Variants in PCCA observed in about 807,000 individuals in gnomAD.
The protein encoded by PCCA is propionyl-CoA carboxylase alpha chain, mitochondrial.
PCCA carries 74 observed loss-of-function variants against 101.3 expected under a neutral mutation model. The ratio of observed to expected loss-of-function variants is 0.73; its 90% CI spans 0.61 to 0.89. The LOEUF is 0.89. PCCA is among the 40% of genes least tolerant of loss of function. PCCA has a pLI of 0.00. For missense variants in PCCA, 891 were observed against 907.0 expected (o/e 0.98, Z 0.23); for synonymous variants, 294 against 313.6 (o/e 0.94, Z 0.66).
chr13:100,332,227 C>T (rs951058678), intron 17 of PCCA, among the ~76,000 whole-genome samples: 1 of 152,244 alleles, frequency 6.6e-6, no homozygotes, highest in Non-Finnish European at 1.5e-5. Context: ...CGTGAGCTAC[C>T]GTACCTGGCC....
chr13:100,119,767 T>G (rs770146292), intron 4 of PCCA, among the ~76,000 whole-genome samples: 3 of 152,224 alleles, frequency 2.0e-5, no homozygotes, highest in Non-Finnish European at 4.4e-5. Context: ...TCTGTTTCCT[T>G]TCTCTGATCG....
At chr13:100,229,385 A>G (rs2060336883) in intron 7 of PCCA, among the ~76,000 whole-genome samples, 1 of 152,230 alleles carries the variant, frequency 6.6e-6, no homozygotes, top group Non-Finnish European at 1.5e-5. Flanking sequence ...CTTAGAAGCA[A>G]AATTTATTCT....
At chr13:100,500,614 G>A (rs2085597082) in intron 21 of PCCA, among the ~76,000 whole-genome samples, 1 of 152,144 alleles carries the variant, frequency 6.6e-6, no homozygotes, top group Admixed American at 6.5e-5. Flanking sequence ...TGAGCACGGT[G>A]GTATTCTCCA....
At chr13:100,369,465 G>A (rs2075425909) in intron 19 of PCCA, among the ~76,000 whole-genome samples, 1 of 152,146 alleles carries the variant, frequency 6.6e-6, no homozygotes, top group Non-Finnish European at 1.5e-5. Context: ...ATCACAAGTT[G>A]AAGATTCATG....
chr13:100,459,003 C>T (rs1225795971), intron 21 of PCCA, among the ~76,000 whole-genome samples: 1 of 152,096 alleles, frequency 6.6e-6, no homozygotes, highest in Non-Finnish European at 1.5e-5. Flanking sequence ...TTGGCGCCTC[C>T]CTAGAGGCTC....
intron 16 of PCCA, among the ~76,000 whole-genome samples, chr13:100,323,262 A>C (rs931442396): frequency 2.0e-5 from 3 of 152,150 alleles, no homozygotes; most frequent in Non-Finnish European, 4.4e-5. Context: ...TCTTGTAGGA[A>C]AGTTACACTT....
At position 100,324,034 on chromosome 13, in the gene PCCA, G is replaced by A. The variant is rs185115812; in HGVS notation, c.1430-6527G>A. Among the ~76,000 whole-genome samples, 678 of 152,292 alleles carry A rather than the reference G, an allele frequency of 4.5e-3. 4 individuals are homozygous for A. The highest frequency in any genetic ancestry group is 5.2e-3 in the Non-Finnish European group (356 of 68,022). The stretch of plus-strand genomic sequence containing the variant: ...TCATACTTCGTAGGTTTCTTATGCA[G>A]CATGATGGTACAGATTAGAACCATA... On this transcript the variant is annotated intron_variant, in intron 16 of 23. Coordinates refer to ENST00000376285, the MANE Select transcript of PCCA (RefSeq NM_000282.4).
At chr13:100,378,783 T>C (rs1286788367) in intron 19 of PCCA, among the ~76,000 whole-genome samples, 3 of 152,182 alleles carry the variant, frequency 2.0e-5, no homozygotes, top group Non-Finnish European at 2.9e-5. Flanking sequence ...TCTGATTCTT[T>C]TTTATGATAC....
chr13:100,449,441 A>G (rs2081068160), intron 21 of PCCA, 136 bp downstream of exon 21: 1 of 598,516 alleles, frequency 1.7e-6, no homozygotes, highest in Middle Eastern at 4.4e-4. Flanking sequence ...TTTACAAATG[A>G]TATTCTAGGG....
chr13:100,459,122 C>T (rs2082002389), intron 21 of PCCA, among the ~76,000 whole-genome samples: 1 of 152,180 alleles, frequency 6.6e-6, no homozygotes, highest in South Asian at 2.1e-4. Context: ...GCTGCTGTCA[C>T]ATGGCCTTCT....
chr13:100,436,994 A>G (rs1321882726), intron 20 of PCCA, among the ~76,000 whole-genome samples: 1 of 152,208 alleles, frequency 6.6e-6, no homozygotes, highest in African/African-American at 2.4e-5. Flanking sequence ...CTCACCAAGC[A>G]TGGTTCTTTC....
chr13:100,413,776 A>G (rs989845439), intron 19 of PCCA, among the ~76,000 whole-genome samples: 1 of 152,236 alleles, frequency 6.6e-6, no homozygotes, highest in Admixed American at 6.5e-5. Context: ...GCAATACTGC[A>G]TAGAAACACA....
chr13:100,325,872 A>C (rs2068619713), intron 16 of PCCA, among the ~76,000 whole-genome samples: 1 of 152,144 alleles, frequency 6.6e-6, no homozygotes, highest in South Asian at 2.1e-4. Flanking sequence ...ACAGAGCCCC[A>C]GCCACCCAGA....
chr13:100,133,316 T>C (rs1014784992), intron 4 of PCCA, among the ~76,000 whole-genome samples: 3 of 152,234 alleles, frequency 2.0e-5, no homozygotes, highest in African/African-American at 4.8e-5. Flanking sequence ...GGATGTATGA[T>C]TGGCAAATAG....
At chr13:100,155,184 T>A in intron 5 of PCCA, 92 bp downstream of exon 5, 1 of 852,390 alleles carries the variant, frequency 1.2e-6, no homozygotes, top group Non-Finnish European at 2.0e-6. Context: ...TAGGAAAGAA[T>A]GATTGAAAAT....
chr13:100,354,805 G>A (rs1310379096), intron 18 of PCCA, among the ~76,000 whole-genome samples: 1 of 152,166 alleles, frequency 6.6e-6, no homozygotes, highest in Non-Finnish European at 1.5e-5. Flanking sequence ...GAGAAAGTAG[G>A]AAATCCGAAT....
chr13:100,495,888 A>G (rs1200467802), intron 21 of PCCA, among the ~76,000 whole-genome samples: 2 of 152,366 alleles, frequency 1.3e-5, no homozygotes, highest in East Asian at 3.9e-4. Flanking sequence ...CAATAATACA[A>G]AGAATGTCCA....
At position 100,316,828 on chromosome 13, in the gene PCCA, T is replaced by C. The variant is rs534105906; in HGVS notation, c.1429+6920T>C. 3.3e-5 allele frequency among the ~76,000 whole-genome samples: 5 copies of C among 151,962 alleles called. No individual in the cohort carries two copies. The South Asian group carries it at 1.0e-3, about 32-fold the overall frequency. ...TCACTCTGTCACCCAGGCTGGAGTG[T>C]AGTGGCATGATCTCGGCTCATTGCA... On this transcript the variant is annotated intron_variant, in intron 16 of 23. Transcript: ENST00000376285.
chr13:100,099,155 T>C (rs2047037712), intron 1 of PCCA, among the ~76,000 whole-genome samples: 1 of 152,238 alleles, frequency 6.6e-6, no homozygotes, highest in African/African-American at 2.4e-5. Context: ...TTATTTAGTA[T>C]TATTCATCTG....
Sources: gnomAD v4.1 joint callset for allele counts (sites outside exome capture counted in the v4.1 genomes callset) on GRCh38, gnomAD v4.1.1 for gene constraint, MANE v1.5 for transcripts, NCBI Gene and HGNC (gene_info 2026-07-23, HGNC 2026-07-21) for gene names.